The following LRRC40 variants were observed in gnomAD, a reference collection of about 807,000 sequenced individuals.
The protein encoded by LRRC40 is leucine-rich repeat-containing protein 40.
Under a neutral mutation model 72.8 loss-of-function variants are expected in LRRC40, and 76 were observed. The ratio of observed to expected loss-of-function variants is 1.04; its 90% CI spans 0.87 to 1.26. The LOEUF is 1.26. LRRC40 is among the 50% of genes most tolerant of loss of function. The probability of loss-of-function intolerance (pLI) is 0.00; values close to 1 mark genes in which losing one functional copy is unlikely to be tolerated. For synonymous variants in LRRC40, 243 were observed against 254.2 expected, an observed-to-expected ratio of 0.96 and a Z score of 0.42; for missense variants, 684 against 698.9, an observed-to-expected ratio of 0.98 and a Z score of 0.24.
intron 10 of LRRC40, 90 bp downstream of exon 10, chr1:70,159,240 A>G (rs1667705532): frequency 2.1e-6 from 1 of 479,316 alleles, no homozygotes; most frequent in South Asian, 7.0e-5. Context: ...AAGCAGGAGG[A>G]TGGCTTGAGC....
At chr1:70,147,101 T>C (rs1667324372) in intron 14 of LRRC40, 1 of 152,228 alleles carries the variant, frequency 6.6e-6, no homozygotes, top group Non-Finnish European at 1.5e-5. Flanking sequence ...CACTAAAGTT[T>C]ATACCCCCAA....
chr1:70,199,909 A>G (rs1482995134), intron 1 of LRRC40, among the ~76,000 whole-genome samples: 1 of 152,120 alleles, frequency 6.6e-6, no homozygotes, highest in Non-Finnish European at 1.5e-5. Context: ...AGTTATGGGT[A>G]AAAGTTAATA....
At chr1:70,163,692 A>T (rs1356761669) in intron 9 of LRRC40, among the ~76,000 whole-genome samples, 2 of 152,228 alleles carry the variant, frequency 1.3e-5, no homozygotes, top group Non-Finnish European at 2.9e-5. Context: ...GGGTGTGGCC[A>T]TCATTGAAGG....
intron 5 of LRRC40, chr1:70,180,150 G>A (rs1207887588): frequency 1.3e-5 from 2 of 152,032 alleles, no homozygotes; most frequent in Non-Finnish European, 2.9e-5. Flanking sequence ...AGAGAGAGAA[G>A]AGGTCTCACT....
Position 70,145,668 on chromosome 1 carries a change from A to G in LRRC40, c.*132T>C, listed in dbSNP as rs1667268006. The stretch of plus-strand genomic sequence containing the variant: ...GCCCAGGCTAATTATACCAACAGGT[A>G]GGTGATACTGGGAAACTACAAGATC... On this transcript the variant is annotated 3_prime_UTR_variant, in exon 15 of 15. Coordinates refer to ENST00000370952, the MANE Select transcript of LRRC40 (RefSeq NM_017768.5). 4 of 503,468 alleles carry G rather than the reference A, an allele frequency of 7.9e-6. No homozygotes were observed. The highest frequency in any genetic ancestry group is 1.4e-5 in the Non-Finnish European group (4 of 279,984). 31.2% of individuals were successfully genotyped at this position (503,468 alleles called of 1,614,324 possible). A position where few individuals can be genotyped will look rare whatever the true frequency, so the allele number is the denominator to read the frequency against.
In LRRC40 at chr1:70,145,098, C is replaced by A. The variant is rs1409673822; in HGVS notation, c.*702G>T. The A allele has an allele frequency of 1.3e-5, 2 of 151,982 alleles. No homozygotes were observed. Among genetic ancestry groups the A allele is most frequent in the Non-Finnish European group, 2.9e-5 (2 of 67,980 alleles). 9.4% of individuals were successfully genotyped at this position (151,982 alleles called of 1,614,324 possible). A position where few individuals can be genotyped will look rare whatever the true frequency, so the allele number is the denominator to read the frequency against. On this transcript the variant is annotated 3_prime_UTR_variant, in exon 15 of 15. Transcript: ENST00000370952. ...GAAAAACACTGCAAGTTTAGTCTTA[C>A]CAAGATTGCAAGTAAATTTTAAAAT...
At chr1:70,185,079 A>G (rs899428949) in intron 3 of LRRC40, among the ~76,000 whole-genome samples, 165 bp from the exon 4 acceptor site, 11 of 152,252 alleles carry the variant, frequency 7.2e-5, no homozygotes, top group African/African-American at 2.2e-4. Context: ...TACTCATTAA[A>G]ATAATAGTAA....
At position 70,186,381 on chromosome 1, in the gene LRRC40, T is replaced by C. The variant is rs139378630; in HGVS notation, c.407+884A>G. Among the ~76,000 whole-genome samples the C allele has an allele frequency of 5.2e-4, 79 of 152,314 alleles. No homozygotes were observed. In the Middle Eastern group the frequency reaches 0.014, roughly 26 times the overall value. ...ATGCCTTTGACTTGTAAGGGGAAGA[T>C]ACTGTGATGGAGTTCTAAATAATTA... On this transcript the variant is annotated intron_variant, in intron 3 of 14. Coordinates refer to ENST00000370952, the MANE Select transcript of LRRC40 (RefSeq NM_017768.5).
chr1:70,148,436 TCAA>T (rs2100221139), intron 14 of LRRC40, 48 bp downstream of exon 14: 1 of 1,347,154 alleles, frequency 7.4e-7, no homozygotes, highest in East Asian at 2.4e-5. Context: ...ACAAATCACT[TCAA>T]CAAATCAATA....
At chr1:70,196,048 T>C (rs1331276883) in intron 1 of LRRC40, among the ~76,000 whole-genome samples, 1 of 151,668 alleles carries the variant, frequency 6.6e-6, no homozygotes, top group Non-Finnish European at 1.5e-5. Context: ...TCATCTTATC[T>C]CACCACTGTC....
intron 5 of LRRC40, chr1:70,180,444 AAC>A (rs1397631114): frequency 1.3e-5 from 2 of 152,210 alleles, no homozygotes; most frequent in African/African-American, 2.4e-5. Context: ...GCCTGGTAAT[AAC>A]AGTTTCTTTA....
At position 70,155,760 on chromosome 1, in the gene LRRC40, A is replaced by G. The variant is rs1352967496; in HGVS notation, c.1257T>C (p.Phe419=). 1 of 1,577,830 alleles carries G rather than the reference A, an allele frequency of 6.3e-7. No homozygotes were observed. The highest frequency in any genetic ancestry group is 8.6e-7 in the Non-Finnish European group (1 of 1,157,018). Residue 419 remains phenylalanine, a synonymous_variant, in exon 11 of 15, where the codon TTT becomes TTC. Coordinates refer to ENST00000370952, the MANE Select transcript of LRRC40 (RefSeq NM_017768.5). ...KQATLIPDEV[F]DAVKSNIVTS... ...TGACGATGTTGCTTTTTACTGCATC[A>G]AACACCTCATCAGGAATCAAAGTTG...
chr1:70,155,446 T>C (rs1667616578), intron 11 of LRRC40, among the ~76,000 whole-genome samples: 1 of 152,002 alleles, frequency 6.6e-6, no homozygotes. Context: ...ATTTTCCAAG[T>C]TTAAACATAA....
chr1:70,162,470 TGA>T (rs1201791234), intron 9 of LRRC40, among the ~76,000 whole-genome samples: 4 of 152,178 alleles, frequency 2.6e-5, no homozygotes, highest in South Asian at 2.1e-4. Flanking sequence ...TCATGAATTC[TGA>T]GAGTGGAGCC....
chr1:70,197,768 T>C, intron 1 of LRRC40, among the ~76,000 whole-genome samples: 1 of 151,890 alleles, frequency 6.6e-6, no homozygotes, highest in Non-Finnish European at 1.5e-5. Context: ...ATGCTTAAAA[T>C]GGTGTTTGCA....
chr1:70,172,284 CTAAGA>C (rs1265886638), intron 9 of LRRC40, among the ~76,000 whole-genome samples: 1 of 152,152 alleles, frequency 6.6e-6, no homozygotes, highest in Non-Finnish European at 1.5e-5. Context: ...AAATTACAGT[CTAAGA>C]TATTTTATTA....
At chr1:70,176,825 G>A (rs1045094473) in intron 6 of LRRC40, among the ~76,000 whole-genome samples, 2 of 151,912 alleles carry the variant, frequency 1.3e-5, no homozygotes, top group Non-Finnish European at 2.9e-5. Context: ...ATAAAAAAAA[G>A]TTACATATGT....
Position 70,205,533 on chromosome 1 carries a change from C to G in LRRC40, c.8G>C (p.Arg3Pro). 4 of 1,595,028 alleles carry G rather than the reference C, an allele frequency of 2.5e-6. No individual in the cohort carries two copies. Among genetic ancestry groups the G allele is most frequent in the Non-Finnish European group, 3.4e-6 (4 of 1,165,606 alleles). ...ATCCTGCCCCGCTATCCGCTTCAGG[C>G]GCGACATGTTCAAAGTCCTAGGTCC... The part of the protein sequence containing the change: MS[R>P]LKRIAGQDLR... The change falls in exon 1 of 15, where the codon CGC becomes CCC. Residue 3 changes from arginine to proline, a missense_variant. Transcript: ENST00000370952.
At chr1:70,157,672 T>C (rs1445494149) in intron 10 of LRRC40, among the ~76,000 whole-genome samples, 4 of 152,184 alleles carry the variant, frequency 2.6e-5, no homozygotes, top group East Asian at 1.9e-4. Context: ...AAAGAAATTC[T>C]AAGCTAAAAA....
Sources: allele counts gnomAD v4.1 joint callset (sites outside exome capture counted in the v4.1 genomes callset), GRCh38; gene constraint gnomAD v4.1.1; transcripts MANE v1.5; gene names NCBI Gene and HGNC (gene_info 2026-07-23, HGNC 2026-07-21).